NEGR1: variants seen among roughly 807,000 people sequenced by gnomAD.
NEGR1 encodes the protein IgLON family member 4.
A neutral mutation model predicts 40.9 loss-of-function variants in NEGR1; 10 were observed. The ratio of observed to expected loss-of-function variants is 0.24; its 90% CI spans 0.15 to 0.42. NEGR1 has a LOEUF of 0.42. Among genes scored for constraint, NEGR1 ranks in the 10% least tolerant of loss-of-function variants. The pLI, the probability that NEGR1 is intolerant of heterozygous loss-of-function variation, is 1.00. For synonymous variants in NEGR1, 185 were observed against 166.8 expected (o/e 1.11, Z -0.84); for missense variants, 352 against 438.9 (o/e 0.80, Z 1.77).
intron 1 of NEGR1, among the ~76,000 whole-genome samples, chr1:72,078,645 A>ATTTTT (rs34230422): frequency 5.3e-4 from 76 of 144,006 alleles, no homozygotes; most frequent in African/African-American, 1.9e-3. Flanking sequence ...ATATTTATTT[A>ATTTTT]TTTTTTTTTT....
chr1:71,880,276 A>G (rs1252454221), intron 2 of NEGR1, among the ~76,000 whole-genome samples: 2 of 151,994 alleles, frequency 1.3e-5, no homozygotes, highest in Non-Finnish European at 2.9e-5. Context: ...CCTATATATT[A>G]GATTTATTAC....
At chr1:72,165,236 C>T (rs1056925848) in intron 1 of NEGR1, among the ~76,000 whole-genome samples, 2 of 151,974 alleles carry the variant, frequency 1.3e-5, no homozygotes, top group Admixed American at 6.6e-5. Context: ...TTACAGTGGT[C>T]ACAAATGTTC....
intron 6 of NEGR1, among the ~76,000 whole-genome samples, chr1:71,500,035 A>T (rs1026101232): frequency 3.3e-5 from 5 of 152,122 alleles, no homozygotes; most frequent in African/African-American, 1.2e-4. Flanking sequence ...TTAATGGAGG[A>T]TATTTTATGA....
At chr1:71,888,761 G>C (rs1660815393) in intron 2 of NEGR1, among the ~76,000 whole-genome samples, 1 of 66,700 alleles carries the variant, frequency 1.5e-5, no homozygotes, top group Non-Finnish European at 3.1e-5. Context: ...ACCTCTGGGG[G>C]CAGGGCACAG....
chr1:71,796,653 T>C (rs1384904085), intron 2 of NEGR1, among the ~76,000 whole-genome samples: 1 of 152,146 alleles, frequency 6.6e-6, no homozygotes, highest in Non-Finnish European at 1.5e-5. Context: ...AAAAACTCCT[T>C]TTTAATTTTA....
intron 4 of NEGR1, among the ~76,000 whole-genome samples, chr1:71,638,589 A>G (rs1651239892): frequency 6.6e-6 from 1 of 152,086 alleles, no homozygotes; most frequent in Non-Finnish European, 1.5e-5. Flanking sequence ...TTCTAAGCAC[A>G]TTTCATGTGC....
chr1:71,465,862 A>G (rs1015643151), intron 6 of NEGR1, among the ~76,000 whole-genome samples: 20 of 152,084 alleles, frequency 1.3e-4, no homozygotes, highest in African/African-American at 4.3e-4. Flanking sequence ...TTAGAAAATT[A>G]TTATCTTGGT....
At chr1:71,574,346 T>C (rs1179292792) in intron 6 of NEGR1, among the ~76,000 whole-genome samples, 3 of 152,190 alleles carry the variant, frequency 2.0e-5, no homozygotes, top group African/African-American at 7.2e-5. Context: ...CCAGCATCAG[T>C]GAGATTGTGG....
At chr1:72,111,010 AG>A (rs1480070531) in intron 1 of NEGR1, among the ~76,000 whole-genome samples, 2 of 151,416 alleles carry the variant, frequency 1.3e-5, no homozygotes, top group Non-Finnish European at 3.0e-5. Context: ...TCCTGGCTTT[AG>A]TTTTGTCTTA....
intron 6 of NEGR1, among the ~76,000 whole-genome samples, chr1:71,526,655 C>G (rs1256342298): frequency 6.6e-6 from 1 of 151,488 alleles, no homozygotes; most frequent in Non-Finnish European, 1.5e-5. Context: ...GTTCCATTCT[C>G]TCCTTCCTAC....
chr1:71,633,061 T>A (rs1189451320), intron 4 of NEGR1, among the ~76,000 whole-genome samples: 1 of 152,138 alleles, frequency 6.6e-6, no homozygotes, highest in Non-Finnish European at 1.5e-5. Flanking sequence ...TAGGATTTAA[T>A]TCTATAAAGT....
intron 2 of NEGR1, among the ~76,000 whole-genome samples, chr1:71,878,183 A>T (rs1660485297): frequency 6.6e-6 from 1 of 152,202 alleles, no homozygotes; most frequent in Non-Finnish European, 1.5e-5. Flanking sequence ...TTCAGTGCTC[A>T]ATATATTCCT....
intron 6 of NEGR1, among the ~76,000 whole-genome samples, chr1:71,426,693 G>A (rs1467210): frequency 0.078 from 11,919 of 152,110 alleles, 506 homozygotes; most frequent in East Asian, 0.12. Flanking sequence ...AAACACAAAA[G>A]CACTGGATCC....
chr1:71,736,802 GC>G (rs1044220483), intron 3 of NEGR1, among the ~76,000 whole-genome samples: 3 of 152,188 alleles, frequency 2.0e-5, no homozygotes, highest in African/African-American at 7.2e-5. Context: ...AGAATTGAAT[GC>G]ATTTTTAGAT....
chr1:71,821,913 T>C (rs1331039087), intron 2 of NEGR1, among the ~76,000 whole-genome samples: 4 of 151,860 alleles, frequency 2.6e-5, no homozygotes, highest in Non-Finnish European at 5.9e-5. Flanking sequence ...CAGAACCCCA[T>C]GGCAGCACTA....
intron 1 of NEGR1, among the ~76,000 whole-genome samples, chr1:72,140,840 C>A (rs1474033324): frequency 1.3e-5 from 2 of 151,734 alleles, no homozygotes; most frequent in African/African-American, 4.8e-5. Context: ...AACTTTTTCA[C>A]CTATTTACTC....
At chr1:71,483,452 A>T (rs1235983392) in intron 6 of NEGR1, among the ~76,000 whole-genome samples, 3 of 151,760 alleles carry the variant, frequency 2.0e-5, no homozygotes, top group African/African-American at 7.3e-5. Flanking sequence ...TTCATAATAG[A>T]GATGATGGTG....
intron 6 of NEGR1, among the ~76,000 whole-genome samples, chr1:71,558,098 C>A (rs672999): frequency 0.61 from 92,611 of 151,348 alleles, 28,718 homozygotes; most frequent in Middle Eastern, 0.65. Context: ...ATGTGTCTTA[C>A]TTCTGGTGAT....
chr1:72,231,696 C>G (rs998458943), intron 1 of NEGR1, among the ~76,000 whole-genome samples: 3 of 152,024 alleles, frequency 2.0e-5, no homozygotes, highest in African/African-American at 7.3e-5. Context: ...GTGAGGTTCT[C>G]TATACTGCAA....
Sources: gnomAD v4.1 joint callset for allele counts (sites outside exome capture counted in the v4.1 genomes callset) on GRCh38, gnomAD v4.1.1 for gene constraint, MANE v1.5 for transcripts, NCBI Gene and HGNC (gene_info 2026-07-23, HGNC 2026-07-21) for gene names.